Variants in ADGRE2 observed in about 807,000 individuals in gnomAD.
ADGRE2 encodes adhesion G protein-coupled receptor E2.
A neutral mutation model predicts 100.8 loss-of-function variants in ADGRE2; 83 were observed. The ratio of observed to expected loss-of-function variants is 0.82; its 90% CI spans 0.69 to 0.99. The LOEUF (loss-of-function observed/expected upper bound fraction) is 0.99, where lower values mean the gene tolerates loss of function less well. Ranked by LOEUF, ADGRE2 falls within the 50% of genes least tolerant of loss-of-function variation. ADGRE2 has a pLI of 0.00. For synonymous variants in ADGRE2, 355 were observed against 413.0 expected (o/e 0.86, Z 1.70); for missense variants, 814 against 1,035.7 (o/e 0.79, Z 2.94).
chr19:14,732,321 A>G (rs538800462), downstream of ADGRE2: 1 of 152,340 alleles, frequency 6.6e-6, no homozygotes, highest in Admixed American at 6.5e-5. Context: ...TACATTAAAA[A>G]AAAGACATAA....
rs992977589 is a variant in ADGRE2, at chr19:14,755,112, G to A, written c.1432C>T (p.Gln478Ter). The A allele has an allele frequency of 1.9e-6, 3 of 1,613,964 alleles. No homozygotes were observed. The highest frequency in any genetic ancestry group is 1.7e-5 in the Admixed American group (1 of 59,992). Residue 478 changes from glutamine to a stop codon, truncating the protein, a stop_gained, in exon 14 of 21, where the codon CAG (glutamine) becomes TAG (stop). Coordinates refer to ENST00000315576, the MANE Select transcript of ADGRE2 (RefSeq NM_013447.4). LOFTEE classifies it high-confidence loss of function. Reference protein sequence around the residue: ...TFSHRSVIPRQKVLCVFWEHG... With the variant: ...TFSHRSVIPR ...TCCCAGAAGACACAGAGCACCTTCTGTCTCGGGATCACTGACTGCAGGAAC... is the reference window on the plus strand; with the variant it reads ...TCCCAGAAGACACAGAGCACCTTCTATCTCGGGATCACTGACTGCAGGAAC...
At chr19:14,731,532 G>A (rs2042671530), downstream of ADGRE2, 1 of 277,884 alleles carries the variant, frequency 3.6e-6, no homozygotes, top group Non-Finnish European at 6.7e-6. Context: ...GGACCCCCAC[G>A]GTGGAGAGCT....
rs1044130414 is a variant in ADGRE2, at chr19:14,769,214, AC to A, written c.356-2106del. 4.5e-5 allele frequency among the ~76,000 whole-genome samples: 4 copies of A among 89,056 alleles called. No homozygotes were observed. The East Asian group carries it at 1.1e-3, about 24-fold the overall frequency. The allele number at this position is 89,056 out of a possible 152,430, so 58.4% of individuals were successfully genotyped here. ...AGACCAGCCTGGACAACATGGTGAG[AC>A]ACCCCCCCCCCATCTTTACTAATAA... On this transcript the variant is annotated intron_variant, in intron 5 of 20. Transcript: ENST00000315576.
rs781019623 is a variant in ADGRE2, at chr19:14,765,502, C to T, written c.828+22G>A. ...TGTGTGGATGGAGTTCCCGCCGCCT[C>T]GTCCCTGTGGGGGCCACTCACCTGG... On this transcript the variant is annotated intron_variant, in intron 9 of 20. Coordinates refer to ENST00000315576, the MANE Select transcript of ADGRE2 (RefSeq NM_013447.4). The T allele has an allele frequency of 1.7e-4, 275 of 1,613,132 alleles. 1 individual carries two copies. The Middle Eastern group carries it at 2.1e-3, about 13-fold the overall frequency.
In ADGRE2 at chr19:14,751,587, A is replaced by G. The variant is rs767441479; in HGVS notation, c.1873T>C (p.Phe625Leu). The change falls in exon 16 of 21, where the codon TTC becomes CTC. Residue 625 changes from phenylalanine to leucine, a missense_variant. This residue lies in a region of ADGRE2 where 569 missense variants were observed against 692.7 expected (regional missense o/e 0.82). Coordinates refer to ENST00000315576, the MANE Select transcript of ADGRE2 (RefSeq NM_013447.4). The part of the protein sequence containing the change: ...TWMLLEALYL[F>L]LTARNLTVVN... ...ACCGTCAGGTTCCGTGCAGTGAGGA[A>G]GAGGTACAGGGCCTCCAGCAGCATC... The G allele has an allele frequency of 1.7e-5, 28 of 1,613,956 alleles. No homozygotes were observed. Among genetic ancestry groups the G allele is most frequent in the Non-Finnish European group, 2.2e-5 (26 of 1,180,014 alleles).
chr19:14,733,317 TA>T lies in ADGRE2; in HGVS notation c.*2918del, dbSNP rs1467097861. 1.3e-5 allele frequency: 2 copies of T among 152,088 alleles called. No individual in the cohort carries two copies. The highest frequency in any genetic ancestry group is 1.5e-5 in the Non-Finnish European group (1 of 68,036). 9.4% of individuals were successfully genotyped at this position (152,088 alleles called of 1,614,324 possible). On this transcript the variant is annotated 3_prime_UTR_variant, in exon 21 of 21. Transcript: ENST00000315576. ...TCTGGATTTAAGGAAATTACTTTTT[TA>T]AAAACTATAAGCAGCCAAAAAAAGC...
intron 16 of ADGRE2, among the ~76,000 whole-genome samples, chr19:14,747,968 A>G (rs1568587112): frequency 6.6e-6 from 1 of 152,184 alleles, no homozygotes; most frequent in Non-Finnish European, 1.5e-5. Flanking sequence ...GCATTCATGT[A>G]CAACATTTTT....
At chr19:14,727,646 C>G (rs2042642376), downstream of ADGRE2, among the ~76,000 whole-genome samples, 1 of 152,204 alleles carries the variant, frequency 6.6e-6, no homozygotes, top group Non-Finnish European at 1.5e-5. Flanking sequence ...CTGGGGATTA[C>G]ATTTCAGTGT....
At chr19:14,764,337 AT>A in intron 11 of ADGRE2, 95 bp downstream of exon 11, 4 of 1,078,440 alleles carry the variant, frequency 3.7e-6, no homozygotes, top group Non-Finnish European at 5.6e-6. Flanking sequence ...AGTAACACTG[AT>A]ATACAGGTGT....
downstream of ADGRE2, among the ~76,000 whole-genome samples, chr19:14,729,735 A>G (rs1310900393): frequency 6.6e-6 from 1 of 152,216 alleles, no homozygotes; most frequent in Admixed American, 6.5e-5. Flanking sequence ...AATAAATTAT[A>G]TTCTTAAAAA....
intron 16 of ADGRE2, 57 bp from the exon 17 acceptor site, chr19:14,747,019 T>C (rs763205246): frequency 4.9e-5 from 70 of 1,430,812 alleles, no homozygotes; most frequent in East Asian, 3.1e-4. Context: ...GGAACAGTTA[T>C]GTAAATCTAT....
At chr19:14,775,119 C>T (rs2044388385) in intron 2 of ADGRE2, among the ~76,000 whole-genome samples, 1 of 151,876 alleles carries the variant, frequency 6.6e-6, no homozygotes, top group African/African-American at 2.4e-5. Context: ...TCTCCTGCCT[C>T]AGCCTCTTGA....
chr19:14,757,007 A>G (rs949940255), intron 11 of ADGRE2, among the ~76,000 whole-genome samples: 2 of 152,044 alleles, frequency 1.3e-5, no homozygotes, highest in Non-Finnish European at 1.5e-5. Flanking sequence ...GGCTCAACCA[A>G]TCCTTCCACC....
At chr19:14,746,375 C>CG in intron 17 of ADGRE2, 52 bp from the exon 18 acceptor site, 9 of 777,282 alleles carry the variant, frequency 1.2e-5, no homozygotes, top group East Asian at 2.8e-5. Flanking sequence ...CCTGTTATCT[C>CG]TTTTTTTTTT....
downstream of ADGRE2, among the ~76,000 whole-genome samples, chr19:14,727,690 C>G (rs1056909202): frequency 2.0e-5 from 3 of 151,612 alleles, no homozygotes; most frequent in African/African-American, 7.3e-5. Context: ...CAAACTATAT[C>G]ATGTACCTAT....
chr19:14,764,405 G>A (rs374662570), intron 11 of ADGRE2, 28 bp downstream of exon 11: 11 of 1,608,840 alleles, frequency 6.8e-6, no homozygotes, highest in Non-Finnish European at 8.5e-6. Flanking sequence ...ATGCAGAGCT[G>A]GAGTCTGGGG....
rs759595432 is a variant in ADGRE2, at chr19:14,755,827, C to A, written c.1243G>T (p.Ala415Ser). The change falls in exon 13 of 21, where the codon GCT (alanine) becomes TCT (serine). Residue 415 changes from alanine (A) to serine (S), a missense_variant. By Grantham distance (99) the Ala-to-Ser change is moderately conservative (BLOSUM62 1). Around this residue, in one of 5 missense-constraint regions of ADGRE2, gnomAD observed 569 missense variants for 692.7 expected, o/e 0.82. Transcript: ENST00000315576. ...VSIPGMGKLL[A>S]EAPLVLEPEK... Reference sequence around the variant, plus strand: ...GGTTCCAGGACCAGAGGGGCCTCAGCCAGCAACTTGCCCATCCCTGGAATG... The same window carrying A: ...GGTTCCAGGACCAGAGGGGCCTCAGACAGCAACTTGCCCATCCCTGGAATG... The A allele has an allele frequency of 5.0e-6, 8 of 1,614,102 alleles. No homozygotes were observed. The highest frequency in any genetic ancestry group is 6.8e-6 in the Non-Finnish European group (8 of 1,180,052).
chr19:14,762,587 T>C (rs2043766440), intron 11 of ADGRE2, among the ~76,000 whole-genome samples: 1 of 151,896 alleles, frequency 6.6e-6, no homozygotes, highest in South Asian at 2.1e-4. Context: ...TTTCTGAATA[T>C]ACTAGATTCT....
At chr19:14,727,859 G>GTAC (rs1374037968), downstream of ADGRE2, among the ~76,000 whole-genome samples, 2 of 152,116 alleles carry the variant, frequency 1.3e-5, no homozygotes, top group Non-Finnish European at 1.5e-5. Context: ...ATGCATGCAG[G>GTAC]TACACCTTTA....
Sources: gnomAD v4.1 joint callset for allele counts (sites outside exome capture counted in the v4.1 genomes callset) on GRCh38, gnomAD v4.1.1 for gene constraint, gnomAD v4.1.1 regional missense constraint, MANE v1.5 for transcripts, NCBI Gene and HGNC (gene_info 2026-07-23, HGNC 2026-07-21) for gene names.